The following SECISBP2L variants were observed in gnomAD, a reference collection of about 807,000 sequenced individuals.
SECISBP2L encodes the protein selenocysteine insertion sequence-binding protein 2-like.
Under a neutral mutation model 114.7 loss-of-function variants are expected in SECISBP2L, and 43 were observed. The observed-to-expected ratio is 0.38, with a 90% CI of 0.29 to 0.48. SECISBP2L has a LOEUF of 0.48. SECISBP2L is among the 20% of genes least tolerant of loss of function. SECISBP2L has a pLI of 0.98. For synonymous variants in SECISBP2L, 451 were observed against 439.7 expected, an observed-to-expected ratio of 1.03 and a Z score of -0.32; for missense variants, 1,136 against 1,301.1, an observed-to-expected ratio of 0.87 and a Z score of 1.95.
chr15:49,015,364 A>G (rs1262111757), intron 11 of SECISBP2L, among the ~76,000 whole-genome samples: 2 of 152,188 alleles, frequency 1.3e-5, no homozygotes, highest in Non-Finnish European at 1.5e-5. Context: ...ACTATTTGTA[A>G]TAATAGTTAT....
At chr15:49,004,105 C>T (rs1902265985) in intron 14 of SECISBP2L, among the ~76,000 whole-genome samples, 2 of 152,286 alleles carry the variant, frequency 1.3e-5, no homozygotes, top group East Asian at 1.9e-4. Flanking sequence ...TAGTTACTGC[C>T]TCAATTTCAG....
At chr15:49,033,171 C>T (rs1430892519) in intron 3 of SECISBP2L, 71 bp from the exon 4 acceptor site, 1 of 1,487,272 alleles carries the variant, frequency 6.7e-7, no homozygotes, top group African/African-American at 1.4e-5. Flanking sequence ...ATAAAAAACA[C>T]ATCTAAAATA....
Position 48,992,740 on chromosome 15 carries a change from T to A in SECISBP2L, c.2810A>T (p.Lys937Ile). The A allele has an allele frequency of 6.2e-7, 1 of 1,614,198 alleles. No homozygotes were observed. Among genetic ancestry groups the A allele is most frequent in the Admixed American group, 1.7e-5 (1 of 60,016 alleles). The change falls in exon 18 of 18, where the codon AAA (lysine) becomes ATA (isoleucine). Residue 937 changes from lysine (K) to isoleucine (I), a missense_variant. Lys to Ile is a moderately radical substitution (Grantham distance 102, BLOSUM62 -3). This residue lies in a region of SECISBP2L where 684 missense variants were observed against 848.7 expected (regional missense o/e 0.81). Transcript: ENST00000559471. ...TTCCTCTTTATCACTTGCTGTGGATTTCCCAGCACTTGTAGCTGAGGTAGT... is the reference window on the plus strand; with the variant it reads ...TTCCTCTTTATCACTTGCTGTGGATATCCCAGCACTTGTAGCTGAGGTAGT... The part of the protein sequence containing the change: ...GSTTSATSAG[K>I]STASDKEEVK...
chr15:49,022,586 A>T (rs1902662570), intron 7 of SECISBP2L, among the ~76,000 whole-genome samples: 1 of 152,164 alleles, frequency 6.6e-6, no homozygotes, highest in African/African-American at 2.4e-5. Context: ...TGGGCAACAG[A>T]GCAAGACTCC....
chr15:49,021,418 C>G (rs975621155), intron 7 of SECISBP2L, among the ~76,000 whole-genome samples: 1 of 152,206 alleles, frequency 6.6e-6, no homozygotes, highest in African/African-American at 2.4e-5. Context: ...TAAGACATTT[C>G]AAGTTACCTC....
At chr15:49,013,095 G>A in intron 11 of SECISBP2L, 1 of 283,836 alleles carries the variant, frequency 3.5e-6, no homozygotes, top group Non-Finnish European at 6.5e-6. Context: ...GCAATTCCTT[G>A]CAACTGGTCT....
intron 13 of SECISBP2L, 27 bp from the exon 14 acceptor site, chr15:49,009,405 A>T: frequency 1.3e-6 from 2 of 1,593,136 alleles, no homozygotes; most frequent in Non-Finnish European, 1.7e-6. Context: ...TGAAGGGAAA[A>T]AATTTAGAAA....
Position 49,046,435 on chromosome 15 carries a change from G to T in SECISBP2L, c.-136C>A. On this transcript the variant is annotated 5_prime_UTR_variant, in exon 1 of 18. Transcript: ENST00000559471. ...ATCTGGCTGGCCGCGACACCGATTCGGCTACGCCACTGGCCGAGGAGGCGG... is the reference window on the plus strand; with the variant it reads ...ATCTGGCTGGCCGCGACACCGATTCTGCTACGCCACTGGCCGAGGAGGCGG... 2 of 982,484 alleles carry T rather than the reference G, an allele frequency of 2.0e-6. No homozygotes were observed. Among genetic ancestry groups the T allele is most frequent in the Non-Finnish European group, 2.8e-6 (2 of 714,244 alleles). The allele number at this position is 982,484 out of a possible 1,614,324, so 60.9% of individuals were successfully genotyped here.
chr15:49,046,257 C>G lies in SECISBP2L; in HGVS notation c.24+19G>C. The G allele has an allele frequency of 6.4e-7, 1 of 1,564,766 alleles. No homozygotes were observed. The highest frequency in any genetic ancestry group is 8.6e-7 in the Non-Finnish European group (1 of 1,158,616). ...GACCCCAACCCCCGGCTCGGCGGGC[C>G]CAGCCCAAACCCGCGTACCTGCTCC... On this transcript the variant is annotated intron_variant, in intron 1 of 17. Transcript: ENST00000559471.
At position 49,011,812 on chromosome 15, in the gene SECISBP2L, T is replaced by C. The variant is rs757859844; in HGVS notation, c.1783A>G (p.Asn595Asp). Residue 595 changes from asparagine (N) to aspartate (D), a missense_variant, in exon 13 of 18, where the codon AAT becomes GAT. Physicochemically the swap from Asn to Asp is conservative, Grantham distance 23. Transcript: ENST00000559471. ...EKKGRLTVDH[N>D]LLGSEEPTEM... ...GTTGGTTCCTCGGATCCCAAAAGAT[T>C]GTGGTCCACAGTTAAGCGCCCCTTC... 6.2e-6 allele frequency: 10 copies of C among 1,614,152 alleles called. No individual in the cohort carries two copies. The South Asian group carries it at 1.1e-4, about 18-fold the overall frequency.
At chr15:49,002,488 C>T (rs1343062882) in intron 14 of SECISBP2L, among the ~76,000 whole-genome samples, 1 of 152,138 alleles carries the variant, frequency 6.6e-6, no homozygotes, top group Non-Finnish European at 1.5e-5. Context: ...GCTTTTGTTG[C>T]CATTGCTTTT....
At chr15:49,015,547 A>G (rs1455098999) in intron 11 of SECISBP2L, among the ~76,000 whole-genome samples, 2 of 152,122 alleles carry the variant, frequency 1.3e-5, no homozygotes, top group East Asian at 3.9e-4. Flanking sequence ...GCCTCTCAAC[A>G]TTGGTGCTGG....
intron 3 of SECISBP2L, among the ~76,000 whole-genome samples, chr15:49,033,509 G>C (rs576922789): frequency 2.0e-5 from 3 of 152,064 alleles, no homozygotes; most frequent in Non-Finnish European, 4.4e-5. Context: ...CATGAAAAAT[G>C]GTTTCTGCTT....
chr15:49,009,082 C>A, intron 14 of SECISBP2L, 134 bp downstream of exon 14: 1 of 927,576 alleles, frequency 1.1e-6, no homozygotes, highest in Non-Finnish European at 1.6e-6. Context: ...AGCTGTTAAA[C>A]AAAATCCGAA....
chr15:48,998,299 T>C (rs960641409), intron 16 of SECISBP2L, among the ~76,000 whole-genome samples: 5 of 152,244 alleles, frequency 3.3e-5, no homozygotes, highest in Non-Finnish European at 4.4e-5. Context: ...ATGCTGCTAA[T>C]TGTATTGATT....
In SECISBP2L at chr15:49,017,018, A is replaced by G. The variant is rs1902550189; in HGVS notation, c.1252-3T>C. On this transcript the variant is annotated splice_polypyrimidine_tract_variant and splice_region_variant and intron_variant, in intron 9 of 17. Coordinates refer to ENST00000559471, the MANE Select transcript of SECISBP2L (RefSeq NM_001193489.2). ...GAGTTTTCAGGTAAATCATCCAACT[A>G]TGATAACCAGAAAAAACACATTTGT... 1.9e-6 allele frequency: 3 copies of G among 1,608,566 alleles called. No individual in the cohort carries two copies. Among genetic ancestry groups the G allele is most frequent in the Non-Finnish European group, 2.5e-6 (3 of 1,178,324 alleles).
chr15:49,017,530 T>C lies in SECISBP2L; in HGVS notation c.1251+18A>G, dbSNP rs183793683. 8 of 1,512,582 alleles carry C rather than the reference T, an allele frequency of 5.3e-6. No individual in the cohort carries two copies. In the Admixed American group the frequency reaches 1.3e-4, roughly 24 times the overall value. The allele number at this position is 1,512,582 out of a possible 1,614,324, so 93.7% of individuals were successfully genotyped here. ...AAAAGATGTTATATTTTGCTTTTCT[T>C]TTTAAAGAGTTACTTACTACTTTAG... On this transcript the variant is annotated intron_variant, in intron 9 of 17. Transcript: ENST00000559471.
intron 16 of SECISBP2L, among the ~76,000 whole-genome samples, chr15:48,999,023 T>C (rs937803041): frequency 4.6e-5 from 7 of 152,238 alleles, no homozygotes; most frequent in Non-Finnish European, 7.3e-5. Flanking sequence ...AGCAAGGCAG[T>C]GTGCTATGCT....
rs1025604859 is a variant in SECISBP2L, at chr15:49,000,099, T to C, written c.2249-112A>G. ...CAGCAAAGAATTCTATGAACACTTGTAGCACTTAACGCTGTTACACATTAT... is the reference window on the plus strand; with the variant it reads ...CAGCAAAGAATTCTATGAACACTTGCAGCACTTAACGCTGTTACACATTAT... On this transcript the variant is annotated intron_variant, in intron 15 of 17. Coordinates refer to ENST00000559471, the MANE Select transcript of SECISBP2L (RefSeq NM_001193489.2). 7 of 1,081,808 alleles carry C rather than the reference T, an allele frequency of 6.5e-6. No homozygotes were observed. The South Asian group carries it at 9.0e-5, about 14-fold the overall frequency. 67.0% of individuals were successfully genotyped at this position (1,081,808 alleles called of 1,614,324 possible).
Sources: allele counts gnomAD v4.1 joint callset (sites outside exome capture counted in the v4.1 genomes callset), GRCh38; gene constraint gnomAD v4.1.1; regional missense constraint gnomAD v4.1.1; transcripts MANE v1.5; gene names NCBI Gene and HGNC (gene_info 2026-07-23, HGNC 2026-07-21).